Variants in NME4 observed in about 807,000 individuals in gnomAD.
The protein encoded by NME4 is NME/NM23 nucleoside diphosphate kinase 4, also known as nucleoside diphosphate kinase D, mitochondrial.
A neutral mutation model predicts 16.4 loss-of-function variants in NME4; 21 were observed. The observed-to-expected ratio is 1.28, with a 90% CI of 0.91 to 1.84. The LOEUF (loss-of-function observed/expected upper bound fraction) is 1.84, where lower values mean the gene tolerates loss of function less well. NME4 is among the 40% of genes most tolerant of loss of function. The pLI is 0.00. For synonymous variants in NME4, 132 were observed against 107.5 expected (o/e 1.23, Z -1.41); for missense variants, 316 against 261.3 (o/e 1.21, Z -1.44).
intron 1 of NME4, chr16:398,013 C>G (rs1022532805): frequency 1.8e-5 from 27 of 1,538,880 alleles, no homozygotes; most frequent in Admixed American, 5.9e-5. Flanking sequence ...GTCTTCCTCC[C>G]GTGGGCTTCA....
At chr16:397,031 T>C (rs1157550894), upstream of NME4, 2 of 153,546 alleles carry the variant, frequency 1.3e-5, no homozygotes, top group African/African-American at 4.8e-5. Flanking sequence ...ATTATTATTT[T>C]GTTTTTTCTT....
chr16:399,757 C>G lies in NME4; in HGVS notation c.440+18C>G. ...ATCAGCAGGTACGGGGGTCCTGATA[C>G]ACCAGGCTGCTGCTGGGGGCAAGGA... On this transcript the variant is annotated intron_variant, in intron 4 of 4. Transcript: ENST00000219479. 1 of 1,593,422 alleles carries G rather than the reference C, an allele frequency of 6.3e-7. No individual in the cohort carries two copies. The highest frequency in any genetic ancestry group is 1.7e-4 in the Middle Eastern group (1 of 5,934).
Position 397,215 on chromosome 16 carries a change from C to A in NME4, c.-8C>A. On this transcript the variant is annotated 5_prime_UTR_variant, in exon 1 of 5. Transcript: ENST00000219479. Reference sequence around the variant, plus strand: ...CTCGCGCTCACAGCGGCCCGCGGGCCGGGCGTCATGGGCGGCCTCTTCTGG... The same window carrying A: ...CTCGCGCTCACAGCGGCCCGCGGGCAGGGCGTCATGGGCGGCCTCTTCTGG... 1 of 1,012,944 alleles carries A rather than the reference C, an allele frequency of 9.9e-7. No homozygotes were observed. The highest frequency in any genetic ancestry group is 4.5e-5 in the South Asian group (1 of 22,104). 62.7% of individuals were successfully genotyped at this position (1,012,944 alleles called of 1,614,324 possible).
chr16:399,827 C>T lies in NME4; in HGVS notation c.440+88C>T, dbSNP rs562700328. ...TGGCAGATCCACGAGACCTGGCTGT[C>T]TTGCTGTGCTAGGATGAAGCCAGGT... On this transcript the variant is annotated intron_variant, in intron 4 of 4. Coordinates refer to ENST00000219479, the MANE Select transcript of NME4 (RefSeq NM_005009.3). 120 of 1,112,804 alleles carry T rather than the reference C, an allele frequency of 1.1e-4. No homozygotes were observed. The African/African-American group carries it at 1.6e-3, about 15-fold the overall frequency. The allele number at this position is 1,112,804 out of a possible 1,614,324, so 68.9% of individuals were successfully genotyped here.
At chr16:398,556 C>G (rs2054595824) in intron 1 of NME4, 1 of 517,334 alleles carries the variant, frequency 1.9e-6, no homozygotes, top group South Asian at 2.1e-5. Flanking sequence ...CTCCAGACTT[C>G]CCTGAGGCCA....
rs768179689 is a variant in NME4 at position 400,475 on chromosome 16, C to G, written c.*133C>G. On this transcript the variant is annotated 3_prime_UTR_variant, in exon 5 of 5. Transcript: ENST00000219479. Reference sequence around the variant, plus strand: ...CTGTTCACCTCTGCCCCACCCCAGCCCAGAGGAGTTTGAGCCACCAACTTC... The same window carrying G: ...CTGTTCACCTCTGCCCCACCCCAGCGCAGAGGAGTTTGAGCCACCAACTTC... 6.7e-6 allele frequency: 8 copies of G among 1,198,864 alleles called. No homozygotes were observed. The highest frequency in any genetic ancestry group is 9.0e-6 in the Non-Finnish European group (8 of 890,448). 74.3% of individuals were successfully genotyped at this position (1,198,864 alleles called of 1,614,324 possible).
At chr16:399,145 G>T (rs2054606836) in intron 2 of NME4, 22 bp downstream of exon 2, 2 of 1,597,402 alleles carry the variant, frequency 1.3e-6, no homozygotes, top group Non-Finnish European at 1.7e-6. Flanking sequence ...CTGGGCTTGT[G>T]GGTGTCCCTG....
chr16:396,996 G>C (rs2054556176), upstream of NME4: 1 of 153,064 alleles, frequency 6.5e-6, no homozygotes, highest in East Asian at 1.9e-4. Flanking sequence ...TCGGTGTAAA[G>C]ACGAATGCAA....
rs753554627 is a variant in NME4 at position 399,049 on chromosome 16, C to T, written c.151C>T (p.Arg51Trp). Residue 51 changes from arginine (R) to tryptophan (W), a missense_variant, in exon 2 of 5, where the codon CGG becomes TGG. Coordinates refer to ENST00000219479, the MANE Select transcript of NME4 (RefSeq NM_005009.3). ...LVAVKPDGVQ[R>W]RLVGDVIQRF... ...GGCGGTGAAGCCCGATGGCGTGCAA[C>T]GGCGGCTCGTTGGGGACGTGATCCA... 1.4e-5 allele frequency: 22 copies of T among 1,607,550 alleles called. No homozygotes were observed. The East Asian group carries it at 1.8e-4, about 13-fold the overall frequency.
In NME4 at chr16:400,602, T is replaced by C. The variant is rs1016906528; in HGVS notation, c.*260T>C. On this transcript the variant is annotated 3_prime_UTR_variant, in exon 5 of 5. Transcript: ENST00000219479. ...GTGGGGGGGGGTCTTCACATTATCATAACCTCTCCTCTAAAGGGGAGGCAT... is the reference window on the plus strand; with the variant it reads ...GTGGGGGGGGGTCTTCACATTATCACAACCTCTCCTCTAAAGGGGAGGCAT... The C allele has an allele frequency of 4.5e-5, 20 of 448,024 alleles. No individual in the cohort carries two copies. The highest frequency in any genetic ancestry group is 4.0e-4 in the African/African-American group (20 of 49,700). The allele number at this position is 448,024 out of a possible 1,614,324, so 27.8% of individuals were successfully genotyped here.
In NME4 at chr16:397,321, G is replaced by A. The variant is rs1217002536; in HGVS notation, c.91+8G>A. 6 of 1,035,410 alleles carry A rather than the reference G, an allele frequency of 5.8e-6. No individual in the cohort carries two copies. The highest frequency in any genetic ancestry group is 4.4e-4 in the Middle Eastern group (1 of 2,252). The allele number at this position is 1,035,410 out of a possible 1,614,324, so 64.1% of individuals were successfully genotyped here. A position where few individuals can be genotyped will look rare whatever the true frequency, so the allele number is the denominator to read the frequency against. On this transcript the variant is annotated splice_region_variant and intron_variant, in intron 1 of 4. Coordinates refer to ENST00000219479, the MANE Select transcript of NME4 (RefSeq NM_005009.3). ...TAGTGCGCCACGGCTCGGGTGAGTG[G>A]GGCCGCGCGCCCCGGCGGGGACGCG... is the stretch of plus-strand genomic sequence containing the variant.
Position 399,727 on chromosome 16 carries a change from T to A in NME4, c.428T>A (p.Val143Asp). The change falls in exon 4 of 5, where the codon GTC (valine) becomes GAC (aspartate). Residue 143 changes from valine to aspartate, a missense_variant. Val to Asp is a radical substitution (Grantham distance 152). Transcript: ENST00000219479. ...GGAACCATAAGGGGTGACTTCAGCG[T>A]CCACATCAGCAGGTACGGGGGTCCT... is the stretch of plus-strand genomic sequence containing the variant. ...APGTIRGDFS[V>D]HISRNVIHAS... 2 of 1,612,734 alleles carry A rather than the reference T, an allele frequency of 1.2e-6. No individual in the cohort carries two copies. The highest frequency in any genetic ancestry group is 1.7e-6 in the Non-Finnish European group (2 of 1,179,802).
intron 1 of NME4, chr16:397,868 C>G (rs915096448): frequency 1.9e-6 from 3 of 1,554,338 alleles, no homozygotes; most frequent in African/African-American, 1.4e-5. Flanking sequence ...ACAGGACGAT[C>G]CATGTCCCAG....
intron 4 of NME4, chr16:400,002 A>G: frequency 1.4e-6 from 1 of 728,440 alleles, no homozygotes; most frequent in Non-Finnish European, 2.3e-6. Context: ...GGGGGAAATG[A>G]GGCTCCCAAA....
At chr16:400,167 C>CGA (rs778277807) in intron 4 of NME4, 52 bp from the exon 5 acceptor site, 63 of 1,610,848 alleles carry the variant, frequency 3.9e-5, no homozygotes, top group Middle Eastern at 3.3e-4. Flanking sequence ...CCCTGGGATT[C>CGA]CTCAGGGTGC....
At chr16:397,546 G>C (rs2054568170) in intron 1 of NME4, among the ~76,000 whole-genome samples, 1 of 124,288 alleles carries the variant, frequency 8.0e-6, no homozygotes, top group African/African-American at 3.0e-5. Flanking sequence ...GGCTGCAGGC[G>C]CCCGGCGAGT....
intron 2 of NME4, 122 bp from the exon 3 acceptor site, chr16:399,257 G>C: frequency 7.0e-7 from 1 of 1,422,552 alleles, no homozygotes; most frequent in South Asian, 1.1e-5. Flanking sequence ...GATCTATTCT[G>C]CGGTGGGGGT....
Position 400,522 on chromosome 16 carries a change from CCAGCACAAGATTGG to C in NME4, c.*181_*194del. On this transcript the variant is annotated 3_prime_UTR_variant, in exon 5 of 5. Transcript: ENST00000219479. The stretch of plus-strand genomic sequence containing the variant: ...CTTCAGTGCCTTTCTGTACCCCAAG[CCAGCACAAGATTGG>C]ACCAATCCTTTTTGCACCAAAGTGC... The C allele has an allele frequency of 1.5e-6, 1 of 667,156 alleles. No homozygotes were observed. The highest frequency in any genetic ancestry group is 2.5e-5 in the South Asian group (1 of 39,718). 41.3% of individuals were successfully genotyped at this position (667,156 alleles called of 1,614,324 possible).
chr16:397,182 G>A, upstream of NME4: 1 of 913,098 alleles, frequency 1.1e-6, no homozygotes, highest in Non-Finnish European at 1.3e-6. Flanking sequence ...CGCCCTCCGC[G>A]CCCGCTCCTC....
Sources: gnomAD v4.1 joint callset for allele counts (sites outside exome capture counted in the v4.1 genomes callset) on GRCh38, gnomAD v4.1.1 for gene constraint, MANE v1.5 for transcripts, NCBI Gene and HGNC (gene_info 2026-07-23, HGNC 2026-07-21) for gene names.